The following PLCG2 variants were observed in gnomAD, a reference collection of about 807,000 sequenced individuals.
The protein encoded by PLCG2 is 1-phosphatidylinositol 4,5-bisphosphate phosphodiesterase gamma-2.
In PLCG2, 69 loss-of-function variants were observed where a neutral mutation model predicts 175.6. That is an observed-to-expected ratio of 0.39 (90% CI 0.32 to 0.48). The LOEUF is 0.48. Ranked by LOEUF, PLCG2 falls within the 20% of genes least tolerant of loss-of-function variation. The probability of loss-of-function intolerance (pLI) is 0.91; values close to 1 mark genes in which losing one functional copy is unlikely to be tolerated. For missense variants in PLCG2, 1,798 were observed against 1,650.9 expected, an observed-to-expected ratio of 1.09 and a Z score of -1.54; for synonymous variants, 827 against 624.0, an observed-to-expected ratio of 1.33 and a Z score of -4.85.
chr16:81,931,950 G>A (rs1345103331), intron 25 of PLCG2, among the ~76,000 whole-genome samples: 2 of 152,194 alleles, frequency 1.3e-5, no homozygotes, highest in Non-Finnish European at 2.9e-5. Flanking sequence ...ATCTTACCAA[G>A]GAAGTTACTG....
intron 2 of PLCG2, among the ~76,000 whole-genome samples, chr16:81,811,121 A>G (rs1242528209): frequency 1.3e-5 from 2 of 152,146 alleles, no homozygotes; most frequent in African/African-American, 2.4e-5. Flanking sequence ...GGAAGGTCAT[A>G]TGGCACCACG....
intron 2 of PLCG2, among the ~76,000 whole-genome samples, chr16:81,771,711 A>C (rs1425294460): frequency 3.3e-5 from 5 of 151,782 alleles, no homozygotes; most frequent in South Asian, 2.1e-4. Context: ...ACAACAAAAA[A>C]ACTAAGTCCT....
intron 12 of PLCG2, among the ~76,000 whole-genome samples, chr16:81,895,212 A>G (rs1355415750): frequency 6.6e-6 from 1 of 152,242 alleles, no homozygotes; most frequent in Non-Finnish European, 1.5e-5. Context: ...AAGGCAGTCA[A>G]GGTTTTCAAC....
chr16:81,745,102 T>A (rs1416402021), intron 1 of PLCG2, among the ~76,000 whole-genome samples: 1 of 152,208 alleles, frequency 6.6e-6, no homozygotes, highest in Non-Finnish European at 1.5e-5. Flanking sequence ...GTAAATGACC[T>A]CCAGCAACGG....
At chr16:81,850,978 A>C in intron 2 of PLCG2, among the ~76,000 whole-genome samples, 1 of 152,238 alleles carries the variant, frequency 6.6e-6, no homozygotes, top group East Asian at 1.9e-4. Context: ...TTATAGTGCA[A>C]GGTCTGGATG....
intron 2 of PLCG2, among the ~76,000 whole-genome samples, chr16:81,800,789 G>A (rs1426035276): frequency 2.0e-5 from 3 of 151,876 alleles, no homozygotes; most frequent in African/African-American, 2.4e-5. Flanking sequence ...TACTCTATAC[G>A]GCAAAATGCT....
chr16:81,863,580 G>A (rs566543183), intron 5 of PLCG2, among the ~76,000 whole-genome samples: 13 of 152,270 alleles, frequency 8.5e-5, no homozygotes, highest in Admixed American at 3.3e-4. Context: ...TGAATTGCTG[G>A]ATCAGTTGCT....
rs1911144676 is a variant in PLCG2 at position 81,946,254 on chromosome 16, G to C, written c.3561G>C (p.Arg1187=). The change falls in exon 31 of 33, where the codon CGG becomes CGC. Residue 1187 remains arginine, a synonymous_variant. Coordinates refer to ENST00000564138, the MANE Select transcript of PLCG2 (RefSeq NM_002661.5). ...LASLLVFCEM[R]PVLESEEELY... The stretch of plus-strand genomic sequence containing the variant: ...CCCTCCTGGTTTTCTGTGAGATGCG[G>C]CCAGTCCTGGTGAGTGGAGAAACAC... 1.9e-6 allele frequency: 3 copies of C among 1,612,914 alleles called. No individual in the cohort carries two copies. Among genetic ancestry groups the C allele is most frequent in the Admixed American group, 1.7e-5 (1 of 59,996 alleles).
At chr16:81,933,548 C>T (rs953176350) in intron 25 of PLCG2, among the ~76,000 whole-genome samples, 13 of 151,660 alleles carry the variant, frequency 8.6e-5, no homozygotes, top group African/African-American at 2.7e-4. Flanking sequence ...AGCTGCAGGC[C>T]TGGAGAGTAA....
intron 7 of PLCG2, among the ~76,000 whole-genome samples, chr16:81,873,700 C>T (rs964621397): frequency 6.6e-6 from 1 of 152,102 alleles, no homozygotes; most frequent in East Asian, 1.9e-4. Context: ...GAGGCCAAGG[C>T]AGGAGGATCC....
Position 81,927,185 on chromosome 16 carries a change from C to T in PLCG2, c.2514+7C>T. The T allele has an allele frequency of 6.3e-7, 1 of 1,589,966 alleles. No individual in the cohort carries two copies. ...CGAGGAGCTAGAAAAGCAGGTGAGT[C>T]CCCCTCTTCGATCCTCTTACAGGAA... is the stretch of plus-strand genomic sequence containing the variant. On this transcript the variant is annotated splice_region_variant and intron_variant, in intron 23 of 32. Coordinates refer to ENST00000564138, the MANE Select transcript of PLCG2 (RefSeq NM_002661.5).
rs147152679 is a variant in PLCG2 at position 81,803,069 on chromosome 16, C to G, written c.193+16887C>G. Among the ~76,000 whole-genome samples, 97 of 151,718 alleles carry G rather than the reference C, an allele frequency of 6.4e-4. 1 individual carries two copies. Among genetic ancestry groups the G allele is most frequent in the African/African-American group, 2.2e-3 (93 of 41,402 alleles). On this transcript the variant is annotated intron_variant, in intron 2 of 32. Coordinates refer to ENST00000564138, the MANE Select transcript of PLCG2 (RefSeq NM_002661.5). ...TCTACTTTTTGCCTTTACAGAGTTT[C>G]CTATTCTGGACATTTCTCACAATAC...
chr16:81,809,856 C>G (rs1360114648), intron 2 of PLCG2, among the ~76,000 whole-genome samples: 1 of 151,284 alleles, frequency 6.6e-6, no homozygotes, highest in Non-Finnish European at 1.5e-5. Flanking sequence ...GAAACCAGCT[C>G]AAGCAAAAAA....
rs1468901406 is a variant in PLCG2, at chr16:81,936,222, A to C, written c.2896A>C (p.Ile966Leu). The C allele has an allele frequency of 6.2e-7, 1 of 1,614,208 alleles. No individual in the cohort carries two copies. The highest frequency in any genetic ancestry group is 8.5e-7 in the Non-Finnish European group (1 of 1,180,040). Residue 966 changes from isoleucine (I) to leucine (L), a missense_variant, in exon 27 of 33, where the codon ATC becomes CTC. Coordinates refer to ENST00000564138, the MANE Select transcript of PLCG2 (RefSeq NM_002661.5). ...CTTTGTGGAGACGAAGGCTGACAGC[A>C]TCATCAGACAGAAGCCCGTCGACCT... ...RSFVETKADSIIRQKPVDLLK... is the reference protein window; with the variant it reads ...RSFVETKADSLIRQKPVDLLK...
chr16:81,939,156 G>C (rs550846972), intron 29 of PLCG2, among the ~76,000 whole-genome samples: 10 of 152,236 alleles, frequency 6.6e-5, no homozygotes, highest in African/African-American at 2.4e-4. Flanking sequence ...TCGTAGGTGA[G>C]GCCCTGACAC....
intron 32 of PLCG2, 74 bp from the exon 33 acceptor site, chr16:81,957,882 G>C: frequency 1.5e-6 from 2 of 1,307,818 alleles, no homozygotes. Flanking sequence ...TACAGAAAGA[G>C]AAATGTTACA....
intron 13 of PLCG2, among the ~76,000 whole-genome samples, chr16:81,898,997 G>A (rs1039747573): frequency 2.6e-5 from 4 of 152,076 alleles, no homozygotes; most frequent in Non-Finnish European, 5.9e-5. Flanking sequence ...CCAGCAGCCT[G>A]GCCAACATGG....
chr16:81,785,655 G>C (rs906319699), intron 1 of PLCG2: 1 of 226,528 alleles, frequency 4.4e-6, no homozygotes, highest in South Asian at 6.9e-5. Context: ...AAGAGTGGGT[G>C]GGGAGAGAGG....
At chr16:81,862,186 G>A (rs1907016327) in intron 5 of PLCG2, among the ~76,000 whole-genome samples, 1 of 152,238 alleles carries the variant, frequency 6.6e-6, no homozygotes, top group Non-Finnish European at 1.5e-5. Context: ...AAACAAAGGA[G>A]CCACAGAGGC....
Sources: allele counts gnomAD v4.1 joint callset (sites outside exome capture counted in the v4.1 genomes callset), GRCh38; gene constraint gnomAD v4.1.1; transcripts MANE v1.5; gene names NCBI Gene and HGNC (gene_info 2026-07-23, HGNC 2026-07-21).